The following PCDHGB3 variants were observed in gnomAD, a reference collection of about 807,000 sequenced individuals.
PCDHGB3 encodes protocadherin gamma-B3.
PCDHGB3 carries 40 observed loss-of-function variants against 59.2 expected under a neutral mutation model. That is an observed-to-expected ratio of 0.68 (90% CI 0.52 to 0.88). The LOEUF (loss-of-function observed/expected upper bound fraction) is 0.88. PCDHGB3 is among the 40% of genes least tolerant of loss of function. PCDHGB3 has a pLI of 0.00. For missense variants in PCDHGB3, 1,309 were observed against 1,187.9 expected (o/e 1.10, Z -1.50); for synonymous variants, 581 against 503.6 (o/e 1.15, Z -2.06).
chr5:141,376,252 C>G (rs756828511), intron 1 of PCDHGB3: 1 of 1,614,248 alleles, frequency 6.2e-7, no homozygotes, highest in Non-Finnish European at 8.5e-7. Context: ...ACAAGTCACG[C>G]CTGCTGCAGG....
chr5:141,389,124 C>T (rs2091613941), intron 1 of PCDHGB3: 2 of 1,613,878 alleles, frequency 1.2e-6, no homozygotes, highest in South Asian at 2.2e-5. Context: ...CGAGCAGAAT[C>T]CAGAGTACAA....
At chr5:141,408,271 T>A in intron 1 of PCDHGB3, 23 of 1,610,976 alleles carry the variant, frequency 1.4e-5, no homozygotes, top group Non-Finnish European at 1.9e-5. Context: ...TGCTGCTGCC[T>A]TTGTTCTACC....
intron 1 of PCDHGB3, chr5:141,415,752 T>TG: frequency 1.6e-5 from 22 of 1,372,540 alleles, no homozygotes; most frequent in Middle Eastern, 2.6e-4. Flanking sequence ...TTTTTTTTTT[T>TG]TTTTTTTTTT....
intron 1 of PCDHGB3, chr5:141,397,868 A>T (rs1331188362): frequency 1.4e-5 from 8 of 573,128 alleles, no homozygotes; most frequent in Non-Finnish European, 2.1e-5. Context: ...CCTAGTGCTG[A>T]CTCTGGGCGC....
chr5:141,428,190 T>C (rs1348507135), intron 1 of PCDHGB3: 2 of 1,429,918 alleles, frequency 1.4e-6, no homozygotes, highest in Non-Finnish European at 1.9e-6. Flanking sequence ...CAGCCGCCGC[T>C]CTCTGCGCCG....
At chr5:141,412,729 T>C (rs1411212101) in intron 1 of PCDHGB3, 1 of 153,332 alleles carries the variant, frequency 6.5e-6, no homozygotes, top group Non-Finnish European at 1.5e-5. Flanking sequence ...GAAAACGTGT[T>C]GCAAATATAT....
intron 1 of PCDHGB3, among the ~76,000 whole-genome samples, chr5:141,435,105 G>C (rs1046201852): frequency 2.6e-5 from 4 of 151,940 alleles, no homozygotes; most frequent in African/African-American, 9.7e-5. Flanking sequence ...TATCTAGGGG[G>C]GAGAAATCTA....
chr5:141,395,070 T>G lies in PCDHGB3; in HGVS notation c.2415+22261T>G. Reference sequence around the variant, plus strand: ...GGAGGTACAGGCTTTCCTGCAGACCTATTCCCAGGAAGTCTCCCTCACCGC... The same window carrying G: ...GGAGGTACAGGCTTTCCTGCAGACCGATTCCCAGGAAGTCTCCCTCACCGC... On this transcript the variant is annotated intron_variant, in intron 1 of 3. Transcript: ENST00000576222. 1 of 1,614,158 alleles carries G rather than the reference T, an allele frequency of 6.2e-7. No homozygotes were observed. The highest frequency in any genetic ancestry group is 1.3e-5 in the African/African-American group (1 of 75,046).
At chr5:141,481,180 T>C (rs1354907506) in intron 1 of PCDHGB3, among the ~76,000 whole-genome samples, 1 of 152,236 alleles carries the variant, frequency 6.6e-6, no homozygotes, top group Admixed American at 6.5e-5. Flanking sequence ...CCAGCTTTAT[T>C]GGGCCAGGCC....
At chr5:141,414,570 C>T in intron 1 of PCDHGB3, 1 of 1,613,980 alleles carries the variant, frequency 6.2e-7, no homozygotes. Context: ...TTACCTATAT[C>T]CCAGAGAACA....
At chr5:141,399,515 C>G (rs748098945) in intron 1 of PCDHGB3, 1 of 1,614,040 alleles carries the variant, frequency 6.2e-7, no homozygotes, top group Non-Finnish European at 8.5e-7. Context: ...AACAACCCTC[C>G]TGGGGCCTCC....
At chr5:141,501,402 G>A (rs527659990) in intron 2 of PCDHGB3, among the ~76,000 whole-genome samples, 5 of 151,740 alleles carry the variant, frequency 3.3e-5, no homozygotes, top group Non-Finnish European at 7.4e-5. Flanking sequence ...ACAGGCCACT[G>A]CTTGGAAAAT....
At position 141,487,147 on chromosome 5, in the gene PCDHGB3, T is replaced by C; in HGVS notation, c.2416-7660T>C. 1 of 1,614,122 alleles carries C rather than the reference T, an allele frequency of 6.2e-7. No individual in the cohort carries two copies. Among genetic ancestry groups the C allele is most frequent in the Non-Finnish European group, 8.5e-7 (1 of 1,179,952 alleles). On this transcript the variant is annotated intron_variant, in intron 1 of 3. Transcript: ENST00000576222. This position sits in a 1 kb window ranked among gnomAD's most constrained non-coding sequence, Gnocchi z 5.0. ...GTGGTAGTCCACCACTCTCTACCTC[T>C]GTTACTCTCTTAGTGTCCTTAGAGG...
intron 1 of PCDHGB3, chr5:141,395,652 A>C (rs2093296938): frequency 6.0e-6 from 1 of 165,528 alleles, no homozygotes; most frequent in Admixed American, 6.1e-5. Context: ...TTAGCTTAGC[A>C]AAAGTAAAAT....
Position 141,466,657 on chromosome 5 carries a change from C to T in PCDHGB3, c.2416-28150C>T, listed in dbSNP as rs143657719. Among the ~76,000 whole-genome samples the T allele has an allele frequency of 1.4e-3, 211 of 152,280 alleles. 1 individual carries two copies. The highest frequency in any genetic ancestry group is 4.7e-3 in the African/African-American group (197 of 41,542). On this transcript the variant is annotated intron_variant, in intron 1 of 3. Transcript: ENST00000576222. ...TCTCCATAAACTTTTCACAAAACAT[C>T]AGTGATTTCACCGTTCTTCCACTCA...
rs749590670 is a variant in PCDHGB3, at chr5:141,415,328, A to T, written c.2415+42519A>T. 7.9e-5 allele frequency: 127 copies of T among 1,614,184 alleles called. No individual in the cohort carries two copies. The Admixed American group carries it at 1.9e-3, about 24-fold the overall frequency. ...GCCTTCGTCATCGTGCTGCTGGCGC[A>T]CAGGCTGCGGCGCTGGCACAAGTCA... On this transcript the variant is annotated intron_variant, in intron 1 of 3. Transcript: ENST00000576222.
chr5:141,445,889 C>A (rs920382027), intron 1 of PCDHGB3, among the ~76,000 whole-genome samples: 6 of 152,110 alleles, frequency 3.9e-5, no homozygotes, highest in African/African-American at 1.4e-4. Context: ...TACTTAGGAG[C>A]TATTAAAATA....
At chr5:141,484,789 A>T (rs1215899787) in intron 1 of PCDHGB3, among the ~76,000 whole-genome samples, 1 of 152,132 alleles carries the variant, frequency 6.6e-6, no homozygotes, top group Non-Finnish European at 1.5e-5. Flanking sequence ...CCACAGAGAT[A>T]ACAACCCGTG....
intron 1 of PCDHGB3, chr5:141,421,690 C>T: frequency 6.2e-7 from 1 of 1,613,948 alleles, no homozygotes. Context: ...GCGATTTGCT[C>T]TTCCTAATGC....
Sources: allele counts gnomAD v4.1 joint callset (sites outside exome capture counted in the v4.1 genomes callset), GRCh38; gene constraint gnomAD v4.1.1; non-coding constraint Gnocchi (gnomAD v3.1); transcripts MANE v1.5; gene names NCBI Gene and HGNC (gene_info 2026-07-23, HGNC 2026-07-21).